ABCA13: variants seen among roughly 807,000 people sequenced by gnomAD.
The protein encoded by ABCA13 is ATP binding cassette subfamily A member 13.
A neutral mutation model predicts 478.7 loss-of-function variants in ABCA13; 476 were observed. The ratio of observed to expected loss-of-function variants is 0.99; its 90% CI spans 0.92 to 1.07. The LOEUF (loss-of-function observed/expected upper bound fraction) is 1.07, where lower values mean the gene tolerates loss of function less well. Among genes scored for constraint, ABCA13 ranks in the 50% least tolerant of loss-of-function variants. The pLI, the probability that ABCA13 is intolerant of heterozygous loss-of-function variation, is 0.00. For synonymous variants in ABCA13, 2,252 were observed against 2,158.9 expected (o/e 1.04, Z -1.20); for missense variants, 6,060 against 5,910.6 (o/e 1.03, Z -0.83).
At chr7:48,536,509 G>A (rs561577970) in intron 55 of ABCA13, among the ~76,000 whole-genome samples, 3 of 152,096 alleles carry the variant, frequency 2.0e-5, no homozygotes, top group South Asian at 2.1e-4. Context: ...TTACGTGGGC[G>A]TGGTGGTGTG....
chr7:48,402,617 C>G (rs893022979), intron 38 of ABCA13, among the ~76,000 whole-genome samples: 3 of 152,200 alleles, frequency 2.0e-5, no homozygotes, highest in Non-Finnish European at 4.4e-5. Context: ...TGAACTCTTT[C>G]TAGTTCAGGA....
At chr7:48,330,315 A>G (rs1369591415) in intron 27 of ABCA13, among the ~76,000 whole-genome samples, 1 of 151,262 alleles carries the variant, frequency 6.6e-6, no homozygotes, top group East Asian at 2.0e-4. Context: ...TCATCCATCC[A>G]TCTACCCATA....
chr7:48,296,108 CCA>C (rs1161965632), intron 21 of ABCA13, among the ~76,000 whole-genome samples: 2 of 152,144 alleles, frequency 1.3e-5, no homozygotes, highest in Non-Finnish European at 2.9e-5. Flanking sequence ...AGAATGTAAT[CCA>C]CAACGCTTGG....
rs201028260 is a variant in ABCA13 at position 48,481,120 on chromosome 7, G to T, written c.13060G>T (p.Glu4354Ter). The T allele has an allele frequency of 4.6e-5, 74 of 1,596,344 alleles. No individual in the cohort carries two copies. The highest frequency in any genetic ancestry group is 4.7e-5 in the Non-Finnish European group (55 of 1,170,980). Reference sequence around the variant, plus strand: ...GTTGAATCTCTCAGGCTTCAATATGGAGGAGTACTTGCTGGCACCATCTGA... The same window carrying T: ...GTTGAATCTCTCAGGCTTCAATATGTAGGAGTACTTGCTGGCACCATCTGA... ...TLLNLSGFNMEEYLLAPSEKP... is the reference protein window; with the variant it reads ...TLLNLSGFNM Residue 4354 changes from glutamate (E) to a stop codon, truncating the protein, a stop_gained, in exon 46 of 62, where the codon GAG becomes TAG. Coordinates refer to ENST00000435803, the MANE Select transcript of ABCA13 (RefSeq NM_152701.5). LOFTEE classifies it high-confidence loss of function.
intron 23 of ABCA13, 96 bp from the exon 24 acceptor site, chr7:48,309,851 C>A: frequency 7.0e-7 from 1 of 1,427,284 alleles, no homozygotes; most frequent in Non-Finnish European, 9.6e-7. Flanking sequence ...GAAATCCACT[C>A]TTGGGCGACT....
intron 31 of ABCA13, among the ~76,000 whole-genome samples, chr7:48,359,812 T>C (rs1585002550): frequency 6.6e-6 from 1 of 152,154 alleles, no homozygotes; most frequent in Non-Finnish European, 1.5e-5. Flanking sequence ...AGTAAGACTT[T>C]GGTCCAACAC....
At chr7:48,438,853 C>A (rs1461167727) in intron 42 of ABCA13, among the ~76,000 whole-genome samples, 1 of 150,872 alleles carries the variant, frequency 6.6e-6, no homozygotes, top group African/African-American at 2.4e-5. Context: ...TTCCACATAA[C>A]CACATAACTG....
At chr7:48,270,292 G>A (rs1226012415) in intron 16 of ABCA13, among the ~76,000 whole-genome samples, 1 of 152,050 alleles carries the variant, frequency 6.6e-6, no homozygotes, top group Non-Finnish European at 1.5e-5. Context: ...AAATAATGAC[G>A]TGTACTTCAA....
intron 10 of ABCA13, chr7:48,242,987 G>T (rs986065638): frequency 6.6e-6 from 1 of 152,220 alleles, no homozygotes; most frequent in Non-Finnish European, 1.5e-5. Context: ...TTCTCCTCCA[G>T]GTTCTTTCTG....
At chr7:48,605,141 C>T (rs117973984) in intron 58 of ABCA13, among the ~76,000 whole-genome samples, 3,719 of 152,168 alleles carry the variant, frequency 0.024, 60 homozygotes, top group South Asian at 0.063. Context: ...TGAGATGGGT[C>T]TCCTGAATAA....
At chr7:48,212,252 CA>C (rs1562790006) in intron 3 of ABCA13, among the ~76,000 whole-genome samples, 2 of 152,086 alleles carry the variant, frequency 1.3e-5, no homozygotes, top group African/African-American at 4.8e-5. Flanking sequence ...CAAAGATTCA[CA>C]CTTAGTTTGC....
chr7:48,230,066 A>G, intron 7 of ABCA13, 111 bp downstream of exon 7: 1 of 1,295,480 alleles, frequency 7.7e-7, no homozygotes, highest in Non-Finnish European at 1.0e-6. Flanking sequence ...TTAAAATTTC[A>G]AATTCAAAAA....
intron 26 of ABCA13, among the ~76,000 whole-genome samples, chr7:48,314,966 T>G (rs1351153628): frequency 2.0e-5 from 3 of 152,156 alleles, no homozygotes; most frequent in Non-Finnish European, 2.9e-5. Flanking sequence ...AATACATAAT[T>G]TTTTGGCCCC....
chr7:48,458,222 A>G (rs1433402092), intron 43 of ABCA13, among the ~76,000 whole-genome samples: 1 of 152,192 alleles, frequency 6.6e-6, no homozygotes, highest in Admixed American at 6.5e-5. Context: ...GAGCACCATG[A>G]TCTAAATCTT....
intron 58 of ABCA13, among the ~76,000 whole-genome samples, chr7:48,611,699 C>A (rs1160608938): frequency 1.3e-5 from 2 of 152,162 alleles, no homozygotes; most frequent in Non-Finnish European, 2.9e-5. Context: ...GATCCAGTTA[C>A]CTCCCACCAG....
intron 53 of ABCA13, among the ~76,000 whole-genome samples, chr7:48,521,641 T>G (rs1456331332): frequency 6.6e-6 from 1 of 152,146 alleles, no homozygotes. Flanking sequence ...AGGATCCCCC[T>G]TGGCAGATTT....
chr7:48,390,969 G>A (rs1815960352), intron 37 of ABCA13, among the ~76,000 whole-genome samples: 2 of 152,188 alleles, frequency 1.3e-5, no homozygotes, highest in African/African-American at 4.8e-5. Context: ...GGATTTGCTA[G>A]GTCCTGTGTG....
intron 39 of ABCA13, among the ~76,000 whole-genome samples, chr7:48,409,732 G>A (rs1818731488): frequency 6.6e-6 from 1 of 151,680 alleles, no homozygotes; most frequent in African/African-American, 2.4e-5. Flanking sequence ...ATTCAATTGC[G>A]CTTCCATAAA....
rs925024235 is a variant in ABCA13 at position 48,520,237 on chromosome 7, G to C, written c.13994G>C (p.Gly4665Ala). 13 of 1,613,514 alleles carry C rather than the reference G, an allele frequency of 8.1e-6. No homozygotes were observed. The highest frequency in any genetic ancestry group is 1.1e-5 in the Non-Finnish European group (13 of 1,179,718). ...ATCTTCGTGCAACTGGCCTCGCAGG[G>C]CACAGTACTTCTCCTCTTGAGGGTT... ...GWIFVQLASQGTVLLLLRVLL... is the reference protein window; with the variant it reads ...GWIFVQLASQATVLLLLRVLL... The change falls in exon 53 of 62, where the codon GGC (glycine) becomes GCC (alanine). Residue 4665 changes from glycine to alanine, a missense_variant. By Grantham distance (60) the Gly-to-Ala change is moderately conservative (BLOSUM62 0). Transcript: ENST00000435803.
Sources: allele counts gnomAD v4.1 joint callset (sites outside exome capture counted in the v4.1 genomes callset), GRCh38; gene constraint gnomAD v4.1.1; transcripts MANE v1.5; gene names NCBI Gene and HGNC (gene_info 2026-07-23, HGNC 2026-07-21).